RPF1: variants seen among roughly 807,000 people sequenced by gnomAD.
The protein encoded by RPF1 is ribosome production factor 1 homolog.
Under a neutral mutation model 41.9 loss-of-function variants are expected in RPF1, and 34 were observed. The ratio of observed to expected loss-of-function variants is 0.81; its 90% CI spans 0.62 to 1.08. The LOEUF is 1.08. RPF1 is among the 50% of genes least tolerant of loss of function. The pLI is 0.00. For missense variants in RPF1, 425 were observed against 435.2 expected (o/e 0.98, Z 0.21); for synonymous variants, 140 against 148.9 (o/e 0.94, Z 0.43).
intron 5 of RPF1, among the ~76,000 whole-genome samples, chr1:84,492,108 C>T (rs559555422): frequency 6.6e-6 from 1 of 151,862 alleles, no homozygotes; most frequent in Admixed American, 6.5e-5. Context: ...TTGCCATGAG[C>T]AGAGATGGTG....
Position 84,479,499 on chromosome 1 carries a change from A to G in RPF1, c.218A>G (p.Gln73Arg). Reference sequence around the variant, plus strand: ...TTAATGTTCACGCGGTGGAAACAGCAGCAGCGGAAGGTACGCGAGAGGCGG... The same window carrying G: ...TTAATGTTCACGCGGTGGAAACAGCGGCAGCGGAAGGTACGCGAGAGGCGG... ...RHLMFTRWKQ[Q>R]QRKEKLAAKK... Residue 73 changes from glutamine (Q) to arginine (R), a missense_variant, in exon 1 of 9, where the codon CAG (glutamine) becomes CGG (arginine). Physicochemically the swap from Gln to Arg is conservative, Grantham distance 43. Transcript: ENST00000370654. 1 of 1,614,014 alleles carries G rather than the reference A, an allele frequency of 6.2e-7. No individual in the cohort carries two copies. The highest frequency in any genetic ancestry group is 8.5e-7 in the Non-Finnish European group (1 of 1,179,856).
chr1:84,483,571 G>T (rs1214854796), intron 3 of RPF1, among the ~76,000 whole-genome samples: 1 of 151,996 alleles, frequency 6.6e-6, no homozygotes, highest in African/African-American at 2.4e-5. Context: ...CTGGCCTGGT[G>T]GTTTTAAAAG....
chr1:84,493,194 G>A (rs1257812626), intron 5 of RPF1, among the ~76,000 whole-genome samples: 3 of 152,108 alleles, frequency 2.0e-5, no homozygotes, highest in Admixed American at 6.6e-5. Flanking sequence ...GGCGTTGGAA[G>A]AAATGACTTT....
chr1:84,491,797 C>G (rs1319913434), intron 5 of RPF1, among the ~76,000 whole-genome samples: 1 of 152,176 alleles, frequency 6.6e-6, no homozygotes, highest in Non-Finnish European at 1.5e-5. Flanking sequence ...AATGTTCTAT[C>G]CCTGTTTTAT....
chr1:84,490,532 T>C (rs1292193864), intron 5 of RPF1, 60 bp downstream of exon 5: 1 of 1,187,372 alleles, frequency 8.4e-7, no homozygotes, highest in African/African-American at 1.6e-5. Flanking sequence ...CTTAAAAATA[T>C]ATTTAAAAGA....
chr1:84,480,810 A>G (rs1399726103), intron 1 of RPF1, 146 bp from the exon 2 acceptor site: 1 of 470,822 alleles, frequency 2.1e-6, no homozygotes, highest in Non-Finnish European at 3.8e-6. Context: ...TAGGTAGAAA[A>G]CTCCACGTCC....
At chr1:84,486,587 C>CAAAAAA (rs896267195) in intron 3 of RPF1, among the ~76,000 whole-genome samples, 24 of 64,060 alleles carry the variant, frequency 3.7e-4, no homozygotes, top group Non-Finnish European at 5.0e-4. Flanking sequence ...GACTCCGTCT[C>CAAAAAA]AAAAAAAAAA....
chr1:84,495,531 T>C (rs959655235), intron 6 of RPF1, 76 bp downstream of exon 6: 2 of 686,582 alleles, frequency 2.9e-6, no homozygotes, highest in Non-Finnish European at 4.9e-6. Flanking sequence ...CTGTATCTTA[T>C]AGCTCTAATT....
chr1:84,497,702 G>C lies in RPF1; in HGVS notation c.*232G>C. ...TTAAACTTAGTTCTCTTGTTTTTGG[G>C]TAACTGTGAATAATTAAGTTGGAAT... On this transcript the variant is annotated 3_prime_UTR_variant, in exon 9 of 9. Transcript: ENST00000370654. 5.1e-6 allele frequency: 2 copies of C among 393,728 alleles called. 1 individual carries two copies. The allele number at this position is 393,728 out of a possible 1,614,324, so 24.4% of individuals were successfully genotyped here.
rs1391242668 is a variant in RPF1, at chr1:84,480,960, A to G, written c.233A>G (p.Lys78Arg). Reference sequence around the variant, plus strand: ...TCTTTTTTTTTAACCCTTTAGGAAAAGTTGGCAGCTAAGAAAAAACTTAAA... The same window carrying G: ...TCTTTTTTTTTAACCCTTTAGGAAAGGTTGGCAGCTAAGAAAAAACTTAAA... ...TRWKQQQRKE[K>R]LAAKKKLKKE... The change falls in exon 2 of 9, where the codon AAG becomes AGG. Residue 78 changes from lysine (K) to arginine (R), a missense_variant. Coordinates refer to ENST00000370654, the MANE Select transcript of RPF1 (RefSeq NM_025065.7). The G allele has an allele frequency of 5.1e-6, 8 of 1,565,094 alleles. No homozygotes were observed. The East Asian group carries it at 1.8e-4, about 35-fold the overall frequency.
intron 3 of RPF1, among the ~76,000 whole-genome samples, chr1:84,483,766 A>C (rs953231036): frequency 6.6e-6 from 1 of 152,248 alleles, no homozygotes; most frequent in Admixed American, 6.5e-5. Flanking sequence ...CTATATTTTT[A>C]AAAGTTTTGT....
intron 3 of RPF1, among the ~76,000 whole-genome samples, chr1:84,485,361 A>G (rs908779387): frequency 5.3e-5 from 8 of 152,192 alleles, no homozygotes; most frequent in Non-Finnish European, 1.2e-4. Context: ...GGCCTCCCAA[A>G]GTGTTAGGAT....
chr1:84,480,654 C>CT (rs1049276405), intron 1 of RPF1, among the ~76,000 whole-genome samples: 42 of 152,272 alleles, frequency 2.8e-4, no homozygotes, highest in African/African-American at 9.9e-4. Context: ...CCATCACATA[C>CT]TTTAATTAAT....
intron 7 of RPF1, 88 bp from the exon 8 acceptor site, chr1:84,496,156 A>G: frequency 6.8e-7 from 1 of 1,472,582 alleles, no homozygotes; most frequent in Non-Finnish European, 9.3e-7. Context: ...CAAGTATCAT[A>G]CAAGATAAAA....
chr1:84,493,105 G>A (rs36069412), intron 5 of RPF1, among the ~76,000 whole-genome samples: 1,994 of 152,272 alleles, frequency 0.013, 18 homozygotes, highest in Non-Finnish European at 0.024. Flanking sequence ...AAACTGGTAA[G>A]TTTGGGTTTT....
At chr1:84,491,511 A>T (rs1433757466) in intron 5 of RPF1, among the ~76,000 whole-genome samples, 3 of 152,236 alleles carry the variant, frequency 2.0e-5, no homozygotes, top group African/African-American at 7.2e-5. Context: ...TCCAGAAACT[A>T]CTATAACAAG....
At position 84,479,516 on chromosome 1, in the gene RPF1, G is replaced by A. The variant is rs761897072; in HGVS notation, c.228+7G>A. On this transcript the variant is annotated splice_region_variant and intron_variant, in intron 1 of 8. Coordinates refer to ENST00000370654, the MANE Select transcript of RPF1 (RefSeq NM_025065.7). Reference sequence around the variant, plus strand: ...GAAACAGCAGCAGCGGAAGGTACGCGAGAGGCGGGGGCTGCCGGGCGCTTG... The same window carrying A: ...GAAACAGCAGCAGCGGAAGGTACGCAAGAGGCGGGGGCTGCCGGGCGCTTG... 11 of 1,612,938 alleles carry A rather than the reference G, an allele frequency of 6.8e-6. No homozygotes were observed. The East Asian group carries it at 2.5e-4, about 36-fold the overall frequency.
intron 3 of RPF1, among the ~76,000 whole-genome samples, chr1:84,484,055 G>A (rs143411350): frequency 1.1e-4 from 17 of 152,296 alleles, no homozygotes; most frequent in African/African-American, 3.6e-4. Context: ...AAATAAATAA[G>A]TTAGACATAT....
intron 5 of RPF1, among the ~76,000 whole-genome samples, chr1:84,495,156 A>G (rs183891172): frequency 6.6e-6 from 1 of 152,298 alleles, no homozygotes; most frequent in African/African-American, 2.4e-5. Flanking sequence ...AAAAAGAGAA[A>G]AAAAGGACTA....
Sources: gnomAD v4.1 joint callset for allele counts (sites outside exome capture counted in the v4.1 genomes callset) on GRCh38, gnomAD v4.1.1 for gene constraint, MANE v1.5 for transcripts, NCBI Gene and HGNC (gene_info 2026-07-23, HGNC 2026-07-21) for gene names.